AGBL4: variants seen among roughly 807,000 people sequenced by gnomAD.
The protein encoded by AGBL4 is AGBL carboxypeptidase 4.
In AGBL4, 58 loss-of-function variants were observed where a neutral mutation model predicts 66.4. That is an observed-to-expected ratio of 0.87 (90% CI 0.71 to 1.09). The LOEUF is 1.09. Among genes scored for constraint, AGBL4 ranks in the 50% least tolerant of loss-of-function variants. AGBL4 has a pLI of 0.00. For synonymous variants in AGBL4, 234 were observed against 222.9 expected (o/e 1.05, Z -0.44); for missense variants, 579 against 631.0 (o/e 0.92, Z 0.88).
intron 5 of AGBL4, among the ~76,000 whole-genome samples, chr1:48,926,042 G>A (rs920665184): frequency 6.6e-6 from 1 of 152,180 alleles, no homozygotes; most frequent in Non-Finnish European, 1.5e-5. Flanking sequence ...GACAGCAAAT[G>A]TGGGCACCTT....
Position 49,923,973 on chromosome 1 carries a change from T to C in AGBL4, c.35-72455A>G, listed in dbSNP as rs551904018. The stretch of plus-strand genomic sequence containing the variant: ...CCAGCAATCCCATTACTAGAGTATA[T>C]ACCCAAACGAATATAAATTGTTCTA... On this transcript the variant is annotated intron_variant, in intron 1 of 13. Transcript: ENST00000371839. 1.4e-4 allele frequency among the ~76,000 whole-genome samples: 21 copies of C among 152,292 alleles called. No homozygotes were observed. In the South Asian group the frequency reaches 4.4e-3, roughly 32 times the overall value.
Position 48,533,682 on chromosome 1 carries a change from C to T in AGBL4, c.*491G>A, listed in dbSNP as rs1344546441. 5.8e-6 allele frequency: 1 copy of T among 172,086 alleles called. No homozygotes were observed. The highest frequency in any genetic ancestry group is 2.4e-5 in the African/African-American group (1 of 41,644). The allele number at this position is 172,086 out of a possible 1,614,324, so 10.7% of individuals were successfully genotyped here. ...ATTTCAAAAATTCTGTCCCATTGTTCCCTAGGATGCATTTGCCCTTTGGTT... is the reference window on the plus strand; with the variant it reads ...ATTTCAAAAATTCTGTCCCATTGTTTCCTAGGATGCATTTGCCCTTTGGTT... On this transcript the variant is annotated 3_prime_UTR_variant, in exon 14 of 14. Coordinates refer to ENST00000371839, the MANE Select transcript of AGBL4 (RefSeq NM_032785.4).
chr1:49,557,307 T>G (rs983434508), intron 3 of AGBL4, among the ~76,000 whole-genome samples: 1 of 152,090 alleles, frequency 6.6e-6, no homozygotes, highest in Non-Finnish European at 1.5e-5. Flanking sequence ...AAAGACACAT[T>G]CATAAGAACC....
chr1:48,953,525 A>G (rs1418114590), intron 5 of AGBL4, among the ~76,000 whole-genome samples: 3 of 152,194 alleles, frequency 2.0e-5, no homozygotes, highest in African/African-American at 7.2e-5. Flanking sequence ...TTTAACTTCT[A>G]TCTTGATGAG....
At chr1:49,223,392 T>A (rs2148281670) in intron 4 of AGBL4, among the ~76,000 whole-genome samples, 1 of 152,324 alleles carries the variant, frequency 6.6e-6, no homozygotes, top group East Asian at 1.9e-4. Flanking sequence ...CTAAAGCTTC[T>A]TATACAGGTA....
chr1:49,068,271 T>C (rs1034685353), intron 4 of AGBL4, among the ~76,000 whole-genome samples: 1 of 151,918 alleles, frequency 6.6e-6, no homozygotes, highest in Non-Finnish European at 1.5e-5. Flanking sequence ...GGGGTACATG[T>C]GCACAACGTG....
chr1:49,427,923 T>G (rs1645701146), intron 3 of AGBL4, among the ~76,000 whole-genome samples: 1 of 152,002 alleles, frequency 6.6e-6, no homozygotes, highest in African/African-American at 2.4e-5. Flanking sequence ...GACACAGTGC[T>G]GATTGGTGCA....
intron 3 of AGBL4, among the ~76,000 whole-genome samples, chr1:49,658,241 A>G (rs1571270751): frequency 6.6e-6 from 1 of 152,240 alleles, no homozygotes; most frequent in East Asian, 1.9e-4. Flanking sequence ...TATGCAGCCA[A>G]CAGACACATG....
At chr1:49,557,079 C>G (rs1643920959) in intron 3 of AGBL4, among the ~76,000 whole-genome samples, 2 of 152,042 alleles carry the variant, frequency 1.3e-5, no homozygotes, top group South Asian at 4.1e-4. Flanking sequence ...TGGTTCCCAC[C>G]CGAGCCTCTC....
chr1:49,841,415 C>T (rs778365105), intron 2 of AGBL4, among the ~76,000 whole-genome samples: 1 of 152,156 alleles, frequency 6.6e-6, no homozygotes, highest in Non-Finnish European at 1.5e-5. Flanking sequence ...CATGGCCATA[C>T]TGTCCAAAAC....
chr1:48,855,196 T>C lies in AGBL4; in HGVS notation c.634+11995A>G, dbSNP rs539433052. On this transcript the variant is annotated intron_variant, in intron 6 of 13. Transcript: ENST00000371839. Reference sequence around the variant, plus strand: ...CCTGATCTCCCTCATGATGATCAGCTATGGTGCCTTGCGATGCCCTACCTT... The same window carrying C: ...CCTGATCTCCCTCATGATGATCAGCCATGGTGCCTTGCGATGCCCTACCTT... 9.8e-5 allele frequency among the ~76,000 whole-genome samples: 15 copies of C among 152,310 alleles called. No individual in the cohort carries two copies. In the East Asian group the frequency reaches 2.9e-3, roughly 29 times the overall value.
chr1:49,911,468 C>T (rs577928489), intron 1 of AGBL4, among the ~76,000 whole-genome samples: 1 of 152,276 alleles, frequency 6.6e-6, no homozygotes, highest in Non-Finnish European at 1.5e-5. Context: ...AAATCATGCT[C>T]ATTGAATGGT....
At chr1:49,283,407 T>C (rs550291224) in intron 3 of AGBL4, among the ~76,000 whole-genome samples, 8 of 152,174 alleles carry the variant, frequency 5.3e-5, no homozygotes, top group Admixed American at 2.0e-4. Context: ...TAGATAAAAC[T>C]GCAAAGATGG....
At chr1:49,244,661 C>A (rs1651494617) in intron 4 of AGBL4, among the ~76,000 whole-genome samples, 1 of 151,730 alleles carries the variant, frequency 6.6e-6, no homozygotes, top group African/African-American at 2.4e-5. Context: ...GAACAGAGAT[C>A]AAAGCTATAA....
At chr1:49,724,534 A>G (rs1293588922) in intron 2 of AGBL4, among the ~76,000 whole-genome samples, 2 of 152,298 alleles carry the variant, frequency 1.3e-5, no homozygotes, top group East Asian at 3.9e-4. Context: ...CATAGAAGCA[A>G]ACAATAGAGA....
At chr1:48,742,487 C>A in intron 6 of AGBL4, 1 of 879,650 alleles carries the variant, frequency 1.1e-6, no homozygotes. Flanking sequence ...TATACAAATT[C>A]CAGAAACAGT....
chr1:48,553,624 C>A (rs950818449), intron 11 of AGBL4, among the ~76,000 whole-genome samples: 1 of 152,110 alleles, frequency 6.6e-6, no homozygotes, highest in African/African-American at 2.4e-5. Context: ...TTAAGGGGTT[C>A]CTGAACCCTC....
At chr1:49,965,506 G>A (rs4332395) in intron 1 of AGBL4, among the ~76,000 whole-genome samples, 149,622 of 152,250 alleles carry the variant, frequency 0.98, 73,570 homozygotes, top group South Asian at 1. Context: ...CATTTAATTG[G>A]ACTATGAGTT....
At chr1:48,663,721 G>GGTA (rs1241574437) in intron 6 of AGBL4, among the ~76,000 whole-genome samples, 1 of 152,136 alleles carries the variant, frequency 6.6e-6, no homozygotes, top group African/African-American at 2.4e-5. Context: ...GAGTAGAGAA[G>GGTA]GTAGCTATTT....
Sources: allele counts gnomAD v4.1 joint callset (sites outside exome capture counted in the v4.1 genomes callset), GRCh38; gene constraint gnomAD v4.1.1; transcripts MANE v1.5; gene names NCBI Gene and HGNC (gene_info 2026-07-23, HGNC 2026-07-21).